DPP10: variants seen among roughly 807,000 people sequenced by gnomAD.
DPP10 encodes inactive dipeptidyl peptidase 10.
A neutral mutation model predicts 120.9 loss-of-function variants in DPP10; 33 were observed. The observed-to-expected ratio is 0.27, with a 90% confidence interval of 0.21 to 0.37. The LOEUF (loss-of-function observed/expected upper bound fraction) is 0.37, where lower values mean the gene tolerates loss of function less well. Among genes scored for constraint, DPP10 ranks in the 10% least tolerant of loss-of-function variants. The pLI is 1.00. For missense variants in DPP10, 816 were observed against 942.8 expected, an observed-to-expected ratio of 0.87 and a Z score of 1.76; for synonymous variants, 337 against 326.1, an observed-to-expected ratio of 1.03 and a Z score of -0.36.
At chr2:114,839,201 A>G (rs1206202302) in intron 1 of DPP10, among the ~76,000 whole-genome samples, 2 of 152,216 alleles carry the variant, frequency 1.3e-5, no homozygotes, top group Non-Finnish European at 2.9e-5. Context: ...GGGAATATCT[A>G]TGTAAATGGC....
intron 3 of DPP10, among the ~76,000 whole-genome samples, chr2:115,439,321 A>T (rs2104849493): frequency 6.6e-6 from 1 of 152,296 alleles, no homozygotes; most frequent in East Asian, 1.9e-4. Flanking sequence ...GGGGAGACGG[A>T]ATAATGTGAA....
intron 1 of DPP10, among the ~76,000 whole-genome samples, chr2:114,633,303 G>A (rs1289402796): frequency 2.4e-5 from 3 of 124,036 alleles, no homozygotes; most frequent in African/African-American, 3.4e-5. Context: ...CCAGGCTGGA[G>A]TGCAGTGGCA....
chr2:115,724,699 C>T (rs1437659040), intron 7 of DPP10, among the ~76,000 whole-genome samples: 1 of 152,074 alleles, frequency 6.6e-6, no homozygotes, highest in Non-Finnish European at 1.5e-5. Flanking sequence ...TCTTGCATTG[C>T]TATAGAGAAA....
chr2:115,668,682 G>A (rs12623970), intron 5 of DPP10, among the ~76,000 whole-genome samples: 98,103 of 151,892 alleles, frequency 0.65, 33,447 homozygotes, highest in East Asian at 0.92. Flanking sequence ...AGTTTCTCTC[G>A]ATGTCTCATC....
chr2:115,571,714 TA>T lies in DPP10; in HGVS notation c.441+45743del, dbSNP rs1408904490. ...GTTCCTTTTTTTTTTTTTCTGATTT[TA>T]GAAAAAAATATGTGCCATTATGGAA... On this transcript the variant is annotated intron_variant, in intron 5 of 25. Transcript: ENST00000410059. Among the ~76,000 whole-genome samples the T allele has an allele frequency of 6.6e-4, 3 of 4,520 alleles. No individual in the cohort carries two copies. The Non-Finnish European group carries it at 0.015, about 23-fold the overall frequency. The allele number at this position is 4,520 out of a possible 152,430, so 3.0% of individuals were successfully genotyped here.
At chr2:114,904,985 T>C (rs1242940349) in intron 1 of DPP10, among the ~76,000 whole-genome samples, 2 of 152,144 alleles carry the variant, frequency 1.3e-5, no homozygotes, top group Non-Finnish European at 2.9e-5. Flanking sequence ...TATAGAGCCA[T>C]CAAAGCCAAG....
chr2:114,524,967 G>T (rs1017248694), intron 1 of DPP10, among the ~76,000 whole-genome samples: 5 of 152,048 alleles, frequency 3.3e-5, no homozygotes, highest in Non-Finnish European at 5.9e-5. Flanking sequence ...ATTGGTCATT[G>T]TCTCAGCTGT....
chr2:115,524,451 C>T (rs1161020265), intron 4 of DPP10, among the ~76,000 whole-genome samples: 1 of 152,096 alleles, frequency 6.6e-6, no homozygotes, highest in Non-Finnish European at 1.5e-5. Context: ...ACAGGAGGCT[C>T]TTTCTCTTTG....
intron 3 of DPP10, among the ~76,000 whole-genome samples, chr2:115,441,336 G>A (rs2072027414): frequency 6.6e-6 from 1 of 152,160 alleles, no homozygotes; most frequent in Admixed American, 6.5e-5. Flanking sequence ...AAGCTGTGAT[G>A]TCTCTGACCT....
chr2:115,097,491 A>G (rs1281790438), intron 1 of DPP10, among the ~76,000 whole-genome samples: 11 of 152,220 alleles, frequency 7.2e-5, no homozygotes, highest in Admixed American at 1.3e-4. Context: ...CAAACTATAA[A>G]ATGAACATGT....
At chr2:115,523,192 A>T (rs2077920113) in intron 4 of DPP10, among the ~76,000 whole-genome samples, 1 of 150,610 alleles carries the variant, frequency 6.6e-6, no homozygotes, top group African/African-American at 2.4e-5. Context: ...CATAAGCTTG[A>T]GGCAGTAGAG....
chr2:114,602,822 T>A (rs899059440), intron 1 of DPP10, among the ~76,000 whole-genome samples: 1 of 151,954 alleles, frequency 6.6e-6, no homozygotes, highest in Non-Finnish European at 1.5e-5. Flanking sequence ...AACTGGGTGG[T>A]TTTTATTATT....
chr2:114,633,400 C>T (rs889900942), intron 1 of DPP10, among the ~76,000 whole-genome samples: 1 of 150,182 alleles, frequency 6.7e-6, no homozygotes, highest in Non-Finnish European at 1.5e-5. Flanking sequence ...TATAGGCATG[C>T]ACCATCACAT....
chr2:114,803,607 G>A (rs1042449369), intron 1 of DPP10, among the ~76,000 whole-genome samples: 3 of 152,154 alleles, frequency 2.0e-5, no homozygotes, highest in African/African-American at 7.2e-5. Flanking sequence ...AGTGACTCTT[G>A]TTATGTTTTA....
intron 1 of DPP10, among the ~76,000 whole-genome samples, chr2:114,725,542 A>G (rs1005492876): frequency 1.3e-5 from 2 of 152,344 alleles, no homozygotes; most frequent in Admixed American, 6.5e-5. Context: ...TCTTCTTTGG[A>G]TGATGCTCAG....
chr2:114,665,412 T>C (rs755333162), intron 1 of DPP10, among the ~76,000 whole-genome samples: 3 of 152,034 alleles, frequency 2.0e-5, no homozygotes, highest in Non-Finnish European at 4.4e-5. Flanking sequence ...TCTCTTATCA[T>C]TTTTTTTCTT....
intron 1 of DPP10, among the ~76,000 whole-genome samples, chr2:114,884,902 T>G (rs955716560): frequency 2.6e-5 from 4 of 152,192 alleles, no homozygotes; most frequent in African/African-American, 9.7e-5. Flanking sequence ...AAACTACTGC[T>G]GCAAACTGTT....
At chr2:115,007,409 T>C (rs1409625349) in intron 1 of DPP10, among the ~76,000 whole-genome samples, 2 of 152,096 alleles carry the variant, frequency 1.3e-5, no homozygotes, top group African/African-American at 2.4e-5. Flanking sequence ...AAATTAAGTA[T>C]TGATGGGACA....
intron 1 of DPP10, among the ~76,000 whole-genome samples, chr2:114,589,742 A>G (rs987992707): frequency 6.6e-6 from 1 of 152,064 alleles, no homozygotes; most frequent in African/African-American, 2.4e-5. Context: ...CTGGAACATT[A>G]TTACCTTAAC....
Sources: allele counts gnomAD v4.1 joint callset (sites outside exome capture counted in the v4.1 genomes callset), GRCh38; gene constraint gnomAD v4.1.1; transcripts MANE v1.5; gene names NCBI Gene and HGNC (gene_info 2026-07-23, HGNC 2026-07-21).